RIPOR3: variants seen among roughly 807,000 people sequenced by gnomAD.
The protein encoded by RIPOR3 is RIPOR family member 3.
Under a neutral mutation model 114.3 loss-of-function variants are expected in RIPOR3, and 95 were observed. The observed-to-expected ratio is 0.83, with a 90% confidence interval of 0.70 to 0.99. The LOEUF is 0.99. Ranked by LOEUF, RIPOR3 falls within the 50% of genes least tolerant of loss-of-function variation. The probability of loss-of-function intolerance (pLI) is 0.00; values close to 1 mark genes in which losing one functional copy is unlikely to be tolerated. For synonymous variants in RIPOR3, 575 were observed against 543.8 expected (o/e 1.06, Z -0.80); for missense variants, 1,252 against 1,266.9 (o/e 0.99, Z 0.18).
intron 4 of RIPOR3, 96 bp downstream of exon 4, chr20:50,615,906 A>T: frequency 8.5e-7 from 1 of 1,169,906 alleles, no homozygotes; most frequent in Admixed American, 2.3e-5. Context: ...TCTGAGAAAG[A>T]GTCACACCGT....
At chr20:50,588,027 A>G (rs2082978978) in intron 20 of RIPOR3, 135 bp from the exon 21 acceptor site, 2 of 762,084 alleles carry the variant, frequency 2.6e-6, no homozygotes, top group Non-Finnish European at 4.1e-6. Context: ...CCAGGCTTCC[A>G]GGTTTTTTAG....
At position 50,610,915 on chromosome 20, in the gene RIPOR3, G is replaced by C; in HGVS notation, c.373-9C>G. ...TCCACACAGCGCGTTTGCTTCTCCC[G>C]GAAAAAGGGAAGATGTTTGCAAAGT... On this transcript the variant is annotated splice_polypyrimidine_tract_variant and intron_variant, in intron 5 of 21. Coordinates refer to ENST00000327979, the MANE Select transcript of RIPOR3 (RefSeq NM_001290268.2). 6.2e-7 allele frequency: 1 copy of C among 1,614,112 alleles called. No homozygotes were observed. Among genetic ancestry groups the C allele is most frequent in the South Asian group, 1.1e-5 (1 of 91,080 alleles).
At chr20:50,592,297 C>T in intron 19 of RIPOR3, 47 bp downstream of exon 19, 2 of 1,478,668 alleles carry the variant, frequency 1.4e-6, no homozygotes, top group South Asian at 1.4e-5. Flanking sequence ...CTTACCTATG[C>T]CCACACATCT....
In RIPOR3 at chr20:50,679,026, G is replaced by T. The variant is rs544007402; in HGVS notation, c.3+12100C>A. Reference sequence around the variant, plus strand: ...AAGCCAAGGTGGGAGGATTGCTTGAGCCCAGGAATTCGAGGCTGCAGTGAG... The same window carrying T: ...AAGCCAAGGTGGGAGGATTGCTTGATCCCAGGAATTCGAGGCTGCAGTGAG... On this transcript the variant is annotated intron_variant, in intron 1 of 21. Transcript: ENST00000327979. Among the ~76,000 whole-genome samples the T allele has an allele frequency of 7.7e-5, 11 of 142,412 alleles. No homozygotes were observed. In the South Asian group the frequency reaches 2.3e-3, roughly 30 times the overall value. 93.4% of individuals were successfully genotyped at this position (142,412 alleles called of 152,430 possible). A position where few individuals can be genotyped will look rare whatever the true frequency, so the allele number is the denominator to read the frequency against.
intron 1 of RIPOR3, among the ~76,000 whole-genome samples, chr20:50,681,561 C>T (rs751376021): frequency 3.9e-5 from 6 of 152,198 alleles, no homozygotes; most frequent in Non-Finnish European, 5.9e-5. Flanking sequence ...CCTCTCTGTT[C>T]CTCAGTTTCC....
At chr20:50,639,258 A>T (rs2085106014) in intron 1 of RIPOR3, among the ~76,000 whole-genome samples, 1 of 151,666 alleles carries the variant, frequency 6.6e-6, no homozygotes, top group South Asian at 2.1e-4. Context: ...AAAAAACCTG[A>T]AAACAGCAAT....
chr20:50,614,331 G>A (rs1318529076), intron 4 of RIPOR3, among the ~76,000 whole-genome samples: 1 of 152,098 alleles, frequency 6.6e-6, no homozygotes, highest in East Asian at 1.9e-4. Context: ...CCACTGTGCT[G>A]AGCCACTGGA....
rs1056097917 is a variant in RIPOR3 at position 50,602,773 on chromosome 20, G to A, written c.1087-129C>T. On this transcript the variant is annotated intron_variant, in intron 12 of 21. Coordinates refer to ENST00000327979, the MANE Select transcript of RIPOR3 (RefSeq NM_001290268.2). This position sits in a 1 kb window ranked among gnomAD's most constrained non-coding sequence, Gnocchi z 4.3. ...TCTCAGGATGACTGAGGCCTGCCGA[G>A]GTGACCAGCATCCCAGAGGTGCAGA... The A allele has an allele frequency of 1.6e-5, 10 of 607,978 alleles. No homozygotes were observed. In the African/African-American group the frequency reaches 1.9e-4, roughly 12 times the overall value. 37.7% of individuals were successfully genotyped at this position (607,978 alleles called of 1,614,324 possible). A position where few individuals can be genotyped will look rare whatever the true frequency, so the allele number is the denominator to read the frequency against.
intron 1 of RIPOR3, among the ~76,000 whole-genome samples, chr20:50,644,541 T>C (rs2085323490): frequency 1.3e-5 from 2 of 151,966 alleles, no homozygotes; most frequent in Admixed American, 6.6e-5. Context: ...TGGAGTGCAG[T>C]GGTGCAATCT....
At chr20:50,636,724 C>T in intron 1 of RIPOR3, 2 of 985,608 alleles carry the variant, frequency 2.0e-6, no homozygotes, top group Non-Finnish European at 2.4e-6. Context: ...TGGGGACTGT[C>T]CTGGGCCTCC....
At chr20:50,607,680 G>A (rs6020633) in intron 11 of RIPOR3, among the ~76,000 whole-genome samples, 1 of 152,154 alleles carries the variant, frequency 6.6e-6, no homozygotes, top group Non-Finnish European at 1.5e-5. Flanking sequence ...CGAGGGTGCA[G>A]GTGGTCGCTC....
intron 13 of RIPOR3, among the ~76,000 whole-genome samples, chr20:50,601,180 T>TC (rs111456046): frequency 0.05 from 7,598 of 152,294 alleles, 307 homozygotes; most frequent in African/African-American, 0.11. Context: ...ACGCCTGTAA[T>TC]CCCGGCACTT....
rs2086377247 is a variant in RIPOR3 at position 50,669,296 on chromosome 20, C to T, written c.3+21830G>A. ...TAGGTCAGGCCACTCTCCTGACACC[C>T]TCATTACTCATAGGCTTTCTCTTCA... On this transcript the variant is annotated intron_variant, in intron 1 of 21. Transcript: ENST00000327979. Among the ~76,000 whole-genome samples, 3 of 152,316 alleles carry T rather than the reference C, an allele frequency of 2.0e-5. No homozygotes were observed. In the South Asian group the frequency reaches 6.2e-4, roughly 32 times the overall value.
chr20:50,596,367 A>G (rs2083291632), intron 14 of RIPOR3, 104 bp from the exon 15 acceptor site: 8 of 1,501,694 alleles, frequency 5.3e-6, no homozygotes, highest in Non-Finnish European at 6.4e-6. Flanking sequence ...CAGGAGGCCC[A>G]CTCCAGGTCC....
chr20:50,644,195 C>T (rs1392758300), intron 1 of RIPOR3, among the ~76,000 whole-genome samples: 1 of 152,046 alleles, frequency 6.6e-6, no homozygotes, highest in African/African-American at 2.4e-5. Flanking sequence ...TGGTTTGGAA[C>T]TCCTGGCCTC....
chr20:50,617,859 T>TGATCCGCCTGCCTCCGC (rs1165527727), intron 3 of RIPOR3, among the ~76,000 whole-genome samples: 1 of 151,052 alleles, frequency 6.6e-6, no homozygotes, highest in Non-Finnish European at 1.5e-5. Flanking sequence ...CCTGAATTCG[T>TGATCCGCCTGCCTCCGC]GATCCGCCTG....
Position 50,679,125 on chromosome 20 carries a change from A to T in RIPOR3, c.3+12001T>A, listed in dbSNP as rs1200516379. Among the ~76,000 whole-genome samples, 130 of 78,864 alleles carry T rather than the reference A, an allele frequency of 1.6e-3. 2 individuals are homozygous for T. The highest frequency in any genetic ancestry group is 0.01 in the East Asian group (26 of 2,528). The allele number at this position is 78,864 out of a possible 152,430, so 51.7% of individuals were successfully genotyped here. ...GTCTCAAAAAAAAAAAAAAAAAAAA[A>T]AAAAAAAAAAATATATATATATATA... On this transcript the variant is annotated intron_variant, in intron 1 of 21. Transcript: ENST00000327979.
intron 16 of RIPOR3, 81 bp from the exon 17 acceptor site, chr20:50,594,795 G>A: frequency 6.8e-7 from 1 of 1,480,738 alleles, no homozygotes; most frequent in East Asian, 2.3e-5. Flanking sequence ...CCTCCACTAG[G>A]ACCTGAGGGG....
At chr20:50,588,503 C>T (rs926393106) in intron 20 of RIPOR3, among the ~76,000 whole-genome samples, 1 of 152,186 alleles carries the variant, frequency 6.6e-6, no homozygotes, top group Non-Finnish European at 1.5e-5. Context: ...CCCCTCACAT[C>T]CATGGGATCT....
Sources: gnomAD v4.1 joint callset for allele counts (sites outside exome capture counted in the v4.1 genomes callset) on GRCh38, gnomAD v4.1.1 for gene constraint, Gnocchi (gnomAD v3.1) non-coding constraint, MANE v1.5 for transcripts, NCBI Gene and HGNC (gene_info 2026-07-23, HGNC 2026-07-21) for gene names.